DLAT: variants seen among roughly 807,000 people sequenced by gnomAD.
DLAT encodes dihydrolipoyllysine-residue acetyltransferase component of pyruvate dehydrogenase complex, mitochondrial.
In DLAT, 43 loss-of-function variants were observed where a neutral mutation model predicts 68.0. The ratio of observed to expected loss-of-function variants is 0.63; its 90% CI spans 0.50 to 0.81. The LOEUF (loss-of-function observed/expected upper bound fraction) is 0.81, where lower values mean the gene tolerates loss of function less well. Ranked by LOEUF, DLAT falls within the 40% of genes least tolerant of loss-of-function variation. DLAT has a pLI of 0.00. For missense variants in DLAT, 745 were observed against 815.4 expected (o/e 0.91, Z 1.05); for synonymous variants, 265 against 288.6 (o/e 0.92, Z 0.83).
chr11:112,047,075 C>T (rs1325760052), intron 10 of DLAT, among the ~76,000 whole-genome samples: 3 of 152,222 alleles, frequency 2.0e-5, no homozygotes, highest in Non-Finnish European at 2.9e-5. Flanking sequence ...AACTAATTTA[C>T]ACTCCTACCA....
chr11:112,032,836 C>T (rs1164727949), intron 4 of DLAT, among the ~76,000 whole-genome samples: 4 of 152,040 alleles, frequency 2.6e-5, no homozygotes, highest in Admixed American at 6.6e-5. Flanking sequence ...GAGGCCAGGG[C>T]GGGCGGATTA....
At position 112,045,976 on chromosome 11, in the gene DLAT, A is replaced by C; in HGVS notation, c.1398+6A>C. On this transcript the variant is annotated splice_donor_region_variant and intron_variant, in intron 10 of 13. Transcript: ENST00000280346. ...TACGGAAAGAACTTAATAAGGTAAA[A>C]GTTCTGAAAATTCCAACTTTCTAAG... is the stretch of plus-strand genomic sequence containing the variant. 1.3e-6 allele frequency: 2 copies of C among 1,535,708 alleles called. No homozygotes were observed. The highest frequency in any genetic ancestry group is 1.8e-6 in the Non-Finnish European group (2 of 1,109,910).
intron 11 of DLAT, among the ~76,000 whole-genome samples, chr11:112,059,067 A>G (rs1184283717): frequency 2.0e-5 from 3 of 151,542 alleles, no homozygotes; most frequent in Non-Finnish European, 4.4e-5. Context: ...AAAAAAAAAG[A>G]TTGGGACCCC....
rs1555183581 is a variant in DLAT at position 112,064,069 on chromosome 11, T to C, written c.*1534T>C. 2 of 1,054,938 alleles carry C rather than the reference T, an allele frequency of 1.9e-6. No individual in the cohort carries two copies. Among genetic ancestry groups the C allele is most frequent in the African/African-American group, 3.2e-5 (2 of 61,824 alleles). The allele number at this position is 1,054,938 out of a possible 1,614,324, so 65.3% of individuals were successfully genotyped here. Reference sequence around the variant, plus strand: ...TTATGAAAACAATACATTAATTTGATTTTTCAGTAATTAGTAATTTTAGGT... The same window carrying C: ...TTATGAAAACAATACATTAATTTGACTTTTCAGTAATTAGTAATTTTAGGT... On this transcript the variant is annotated 3_prime_UTR_variant, in exon 14 of 14. Transcript: ENST00000280346.
intron 2 of DLAT, among the ~76,000 whole-genome samples, chr11:112,026,855 C>T (rs1315760128): frequency 6.6e-6 from 1 of 152,180 alleles, no homozygotes; most frequent in Non-Finnish European, 1.5e-5. Flanking sequence ...GGGTGGTGGC[C>T]GGGCAGAGGG....
chr11:112,033,441 G>C lies in DLAT; in HGVS notation c.698G>C (p.Gly233Ala). ...LPALSPTMTM[G>A]TVQRWEKKVG... is the part of the protein sequence containing the mutation. ...GCCCTCTCTCCCACCATGACCATGG[G>C]CACAGTTCAGAGATGGGAAAAAAAA... Residue 233 changes from glycine (G) to alanine (A), a missense_variant, in exon 5 of 14, where the codon GGC becomes GCC. Transcript: ENST00000280346. 1 of 1,613,766 alleles carries C rather than the reference G, an allele frequency of 6.2e-7. No homozygotes were observed. Among genetic ancestry groups the C allele is most frequent in the Non-Finnish European group, 8.5e-7 (1 of 1,179,848 alleles).
chr11:112,048,259 GCT>G (rs1173741951), intron 10 of DLAT, among the ~76,000 whole-genome samples: 1 of 151,954 alleles, frequency 6.6e-6, no homozygotes, highest in Non-Finnish European at 1.5e-5. Context: ...TCACAATTTG[GCT>G]CTCTGTTTGT....
At chr11:112,044,190 T>G (rs1183405658) in intron 8 of DLAT, among the ~76,000 whole-genome samples, 1 of 152,164 alleles carries the variant, frequency 6.6e-6, no homozygotes, top group African/African-American at 2.4e-5. Context: ...TTTTGGTGTT[T>G]GGTTTTTTTT....
intron 9 of DLAT, 102 bp downstream of exon 9, chr11:112,045,332 G>A (rs1471817940): frequency 1.0e-6 from 1 of 982,578 alleles, no homozygotes; most frequent in Non-Finnish European, 1.6e-6. Context: ...TTTTTAAGTT[G>A]GGAATATTGG....
At chr11:112,040,974 G>T (rs1555180975) in intron 7 of DLAT, among the ~76,000 whole-genome samples, 1 of 151,766 alleles carries the variant, frequency 6.6e-6, no homozygotes. Context: ...TATGCAGGCA[G>T]AGTTAGGTGA....
chr11:112,028,510 A>G lies in DLAT; in HGVS notation c.382-5A>G, dbSNP rs1555179643. The G allele has an allele frequency of 1.2e-6, 2 of 1,613,532 alleles. No individual in the cohort carries two copies. The highest frequency in any genetic ancestry group is 1.7e-6 in the Non-Finnish European group (2 of 1,179,738). ...AACCTGAGCTACTGCTTTTTGTGTT[A>G]AAAGGTTGAAACTGATAAAGCCACT... is the stretch of plus-strand genomic sequence containing the variant. On this transcript the variant is annotated splice_polypyrimidine_tract_variant and splice_region_variant and intron_variant, in intron 2 of 13. Coordinates refer to ENST00000280346, the MANE Select transcript of DLAT (RefSeq NM_001931.5).
At chr11:112,050,333 T>C (rs587672544) in intron 10 of DLAT, among the ~76,000 whole-genome samples, 2 of 152,220 alleles carry the variant, frequency 1.3e-5, no homozygotes, top group South Asian at 2.1e-4. Context: ...TTTTTTTTTT[T>C]TTTCTTCTAA....
chr11:112,028,255 C>A (rs1313413431), intron 2 of DLAT, among the ~76,000 whole-genome samples: 1 of 151,950 alleles, frequency 6.6e-6, no homozygotes, highest in African/African-American at 2.4e-5. Context: ...CCCGTCTCTG[C>A]TAAAAATACA....
intron 11 of DLAT, among the ~76,000 whole-genome samples, chr11:112,055,660 T>C (rs1555182417): frequency 6.6e-6 from 1 of 152,076 alleles, no homozygotes; most frequent in Admixed American, 6.6e-5. Context: ...TGTTTGGGCT[T>C]TCCTGTTCCT....
At chr11:112,058,307 C>T (rs587725406) in intron 11 of DLAT, among the ~76,000 whole-genome samples, 2 of 152,188 alleles carry the variant, frequency 1.3e-5, no homozygotes, top group African/African-American at 4.8e-5. Context: ...ACCTTGGCTA[C>T]AGTTCTGTGG....
intron 12 of DLAT, 31 bp downstream of exon 12, chr11:112,060,096 G>T: frequency 1.9e-6 from 3 of 1,544,190 alleles, no homozygotes; most frequent in South Asian, 1.1e-5. Context: ...TTCTAATTAT[G>T]TTATTTTTAA....
intron 10 of DLAT, 89 bp downstream of exon 10, chr11:112,046,059 T>A: frequency 2.6e-6 from 2 of 764,984 alleles, no homozygotes; most frequent in Non-Finnish European, 4.5e-6. Context: ...TATATTTTGT[T>A]ACAATATATC....
intron 11 of DLAT, among the ~76,000 whole-genome samples, chr11:112,053,475 C>CA (rs1555182173): frequency 6.6e-6 from 1 of 151,888 alleles, no homozygotes; most frequent in Non-Finnish European, 1.5e-5. Context: ...GTTTTTGTGA[C>CA]AGAGTCTCTT....
Position 112,051,924 on chromosome 11 carries a change from G to A in DLAT, c.1514+575G>A, listed in dbSNP as rs1436812299. Among the ~76,000 whole-genome samples the A allele has an allele frequency of 2.6e-5, 4 of 152,138 alleles. No homozygotes were observed. Among genetic ancestry groups the A allele is most frequent in the African/African-American group, 9.7e-5 (4 of 41,426 alleles). The stretch of plus-strand genomic sequence containing the variant: ...ATGGTATAGAGTAGTATGGTACTCA[G>A]TGTGTCTCTTTTATCTCATTCAATT... On this transcript the variant is annotated intron_variant, in intron 11 of 13. Coordinates refer to ENST00000280346, the MANE Select transcript of DLAT (RefSeq NM_001931.5). This position sits in a 1 kb window ranked among gnomAD's most constrained non-coding sequence, Gnocchi z 4.3.
Sources: allele counts gnomAD v4.1 joint callset (sites outside exome capture counted in the v4.1 genomes callset), GRCh38; gene constraint gnomAD v4.1.1; non-coding constraint Gnocchi (gnomAD v3.1); transcripts MANE v1.5; gene names NCBI Gene and HGNC (gene_info 2026-07-23, HGNC 2026-07-21).